Variants in SYNE1 observed in about 807,000 individuals in gnomAD.
SYNE1 encodes the protein spectrin repeat containing nuclear envelope protein 1, also known as nesprin-1.
A neutral mutation model predicts 1,111.0 loss-of-function variants in SYNE1; 616 were observed. That is an observed-to-expected ratio of 0.55 (90% CI 0.52 to 0.59). The LOEUF is 0.59. Among genes scored for constraint, SYNE1 ranks in the 20% least tolerant of loss-of-function variants. The pLI, the probability that SYNE1 is intolerant of heterozygous loss-of-function variation, is 0.00. For missense variants in SYNE1, 10,006 were observed against 10,417.0 expected, an observed-to-expected ratio of 0.96 and a Z score of 1.72; for synonymous variants, 3,855 against 3,825.8, an observed-to-expected ratio of 1.01 and a Z score of -0.28.
At chr6:152,449,461 C>T (rs1486998705) in intron 28 of SYNE1, 72 bp downstream of exon 28, 4 of 1,134,474 alleles carry the variant, frequency 3.5e-6, no homozygotes, top group Non-Finnish European at 5.4e-6. Flanking sequence ...AAGCAGAGAA[C>T]CGTTAGATTC....
At position 152,133,483 on chromosome 6, in the gene SYNE1, T is replaced by C. The variant is rs761146246; in HGVS notation, c.25794A>G (p.Ile8598Met). 2 of 1,614,174 alleles carry C rather than the reference T, an allele frequency of 1.2e-6. No homozygotes were observed. The highest frequency in any genetic ancestry group is 1.7e-6 in the Non-Finnish European group (2 of 1,180,016). Residue 8598 changes from isoleucine to methionine, a missense_variant, in exon 143 of 146, where the codon ATA becomes ATG. Physicochemically the swap from Ile to Met is conservative, Grantham distance 10 (BLOSUM62 1). Transcript: ENST00000367255. ...LQDHHKQLMQ[I>M]KHELLESQLR... Reference sequence around the variant, plus strand: ...GTTGGGATTCCAACAGCTCATGCTTTATTTGCTATGCATACAAAAACAAAT... The same window carrying C: ...GTTGGGATTCCAACAGCTCATGCTTCATTTGCTATGCATACAAAAACAAAT...
At chr6:152,342,927 G>A (rs968728590) in intron 74 of SYNE1, among the ~76,000 whole-genome samples, 2 of 152,090 alleles carry the variant, frequency 1.3e-5, no homozygotes, top group Admixed American at 6.5e-5. Context: ...AACTATGCAA[G>A]AAGCTAGTAT....
intron 107 of SYNE1, among the ~76,000 whole-genome samples, chr6:152,241,288 C>T (rs764658300): frequency 7.9e-5 from 12 of 151,810 alleles, no homozygotes; most frequent in East Asian, 3.9e-4. Context: ...TGGACAAAAA[C>T]GTCTGGGAAA....
chr6:152,258,190 A>G (rs577283710), intron 101 of SYNE1, among the ~76,000 whole-genome samples: 6 of 152,350 alleles, frequency 3.9e-5, no homozygotes, highest in African/African-American at 1.4e-4. Flanking sequence ...ACTAGCTGAT[A>G]TTCCCAAACA....
rs1014889544 is a variant in SYNE1 at position 152,501,541 on chromosome 6, C to A, written c.888+1092G>T. Among the ~76,000 whole-genome samples the A allele has an allele frequency of 1.6e-4, 24 of 152,230 alleles. No individual in the cohort carries two copies. The Middle Eastern group carries it at 0.01, about 65-fold the overall frequency. ...CTTGAGGTCAGGAGTCTGAGACTAGCCTGGCCAACATGTGAAACCCAATCT... is the reference window on the plus strand; with the variant it reads ...CTTGAGGTCAGGAGTCTGAGACTAGACTGGCCAACATGTGAAACCCAATCT... On this transcript the variant is annotated intron_variant, in intron 10 of 145. Transcript: ENST00000367255.
intron 3 of SYNE1, among the ~76,000 whole-genome samples, chr6:152,605,018 GAGAGAGAGAGAGAGA>G (rs2099609516): frequency 1.5e-5 from 1 of 65,526 alleles, no homozygotes; most frequent in African/African-American, 7.1e-5. Flanking sequence ...GAGAGAGAGA[GAGAGAGAGAGAGAGA>G]GAGGGAGGGA....
chr6:152,211,720 G>C, intron 123 of SYNE1, 132 bp from the exon 124 acceptor site: 1 of 709,410 alleles, frequency 1.4e-6, no homozygotes, highest in South Asian at 1.6e-5. Context: ...GAAAATGTGT[G>C]AAATCCTGCA....
In SYNE1 at chr6:152,482,784, T is replaced by G. The variant is rs138883120; in HGVS notation, c.1350+301A>C. On this transcript the variant is annotated intron_variant, in intron 14 of 145. Coordinates refer to ENST00000367255, the MANE Select transcript of SYNE1 (RefSeq NM_182961.4). ...CCGGCCACATTATTATGTAAATGCA[T>G]ACCATCTATGCTTATCTTTTGAAAA... Among the ~76,000 whole-genome samples the G allele has an allele frequency of 2.1e-3, 325 of 152,228 alleles. 2 individuals are homozygous for G. Among genetic ancestry groups the G allele is most frequent in the African/African-American group, 7.2e-3 (301 of 41,548 alleles).
intron 59 of SYNE1, among the ~76,000 whole-genome samples, chr6:152,371,395 A>G (rs2154091493): frequency 6.6e-6 from 1 of 151,672 alleles, no homozygotes; most frequent in South Asian, 2.1e-4. Context: ...CCCTTCTGCC[A>G]TGATTGTAAA....
chr6:152,363,432 C>T (rs960658833), intron 63 of SYNE1, among the ~76,000 whole-genome samples: 87 of 150,534 alleles, frequency 5.8e-4, no homozygotes, highest in Admixed American at 2.3e-3. Flanking sequence ...AGGCGGAGCT[C>T]GCAGTGAGCC....
Position 152,447,591 on chromosome 6 carries a change from T to G in SYNE1, c.3536A>C (p.Glu1179Ala), listed in dbSNP as rs117461489. Reference protein sequence around the residue: ...EIRNGVTKRGETLSWLKSRLK... With the variant: ...EIRNGVTKRGATLSWLKSRLK... ...CCTGGATTTCAGCCAGCTGAGGGTC[T>G]CACCCCTTTTGGTAACACCATTTCT... The change falls in exon 29 of 146, where the codon GAG (glutamate) becomes GCG (alanine). Residue 1179 changes from glutamate (E) to alanine (A), a missense_variant. Transcript: ENST00000367255. 1,185 of 1,614,222 alleles carry G rather than the reference T, an allele frequency of 7.3e-4. 2 individuals carry two copies. The highest frequency in any genetic ancestry group is 1.4e-3 in the South Asian group (128 of 91,090).
In SYNE1 at chr6:152,367,293, C is replaced by A. The variant is rs184006845; in HGVS notation, c.9897G>T (p.Ala3299=). The part of the protein sequence containing the change: ...IKELQDWMTD[A]IHMLDSYCHP... ...GGCAGTATGAATCCAGCATGTGAAT[C>A]GCATCCGTCATCCAGTCTTGTAATT... Residue 3299 remains alanine (A), a synonymous_variant, in exon 62 of 146, where the codon GCG becomes GCT. Coordinates refer to ENST00000367255, the MANE Select transcript of SYNE1 (RefSeq NM_182961.4). 34 of 1,614,176 alleles carry A rather than the reference C, an allele frequency of 2.1e-5. 1 individual carries two copies. In the East Asian group the frequency reaches 7.4e-4, roughly 35 times the overall value.
rs765894746 is a variant in SYNE1, at chr6:152,368,954, G to A, written c.9807+18C>T. 1 of 1,614,044 alleles carries A rather than the reference G, an allele frequency of 6.2e-7. No individual in the cohort carries two copies. Among genetic ancestry groups the A allele is most frequent in the Non-Finnish European group, 8.5e-7 (1 of 1,180,004 alleles). ...GACATCAGTATCACACTCACACACA[G>A]CACGTGCCAGGCGTTACCTTTGTTA... is the stretch of plus-strand genomic sequence containing the variant. On this transcript the variant is annotated intron_variant, in intron 61 of 145. Transcript: ENST00000367255.
At chr6:152,287,260 G>A (rs1195248798) in intron 95 of SYNE1, among the ~76,000 whole-genome samples, 1 of 151,992 alleles carries the variant, frequency 6.6e-6, no homozygotes, top group Non-Finnish European at 1.5e-5. Flanking sequence ...TGTAGAAAGA[G>A]GTGAAAATTC....
At chr6:152,482,106 C>T (rs1329302903) in intron 14 of SYNE1, among the ~76,000 whole-genome samples, 1 of 152,126 alleles carries the variant, frequency 6.6e-6, no homozygotes, top group African/African-American at 2.4e-5. Context: ...ATCATCAAAT[C>T]TTGCCGTGGC....
intron 127 of SYNE1, among the ~76,000 whole-genome samples, chr6:152,201,220 C>A (rs138487071): frequency 9.5e-4 from 144 of 152,172 alleles, no homozygotes; most frequent in African/African-American, 3.4e-3. Context: ...CTTATAGCCA[C>A]TGAATTGTGT....
At chr6:152,229,585 G>A (rs951433746) in intron 115 of SYNE1, among the ~76,000 whole-genome samples, 14 of 152,144 alleles carry the variant, frequency 9.2e-5, no homozygotes, top group Middle Eastern at 3.2e-3. Flanking sequence ...TTCAGAGGAG[G>A]TGAACGGGAA....
chr6:152,560,726 T>A (rs1215289278), intron 3 of SYNE1, among the ~76,000 whole-genome samples: 2 of 152,172 alleles, frequency 1.3e-5, no homozygotes, highest in Non-Finnish European at 2.9e-5. Flanking sequence ...CCATGGTCGA[T>A]GGGATTTATA....
chr6:152,232,732 G>C (rs1431298766), intron 112 of SYNE1, among the ~76,000 whole-genome samples: 1 of 152,156 alleles, frequency 6.6e-6, no homozygotes, highest in Non-Finnish European at 1.5e-5. Context: ...TTATTCCTAA[G>C]AACATAGCCA....
Sources: allele counts gnomAD v4.1 joint callset (sites outside exome capture counted in the v4.1 genomes callset), GRCh38; gene constraint gnomAD v4.1.1; transcripts MANE v1.5; gene names NCBI Gene and HGNC (gene_info 2026-07-23, HGNC 2026-07-21).